CNTN5: variants seen among roughly 807,000 people sequenced by gnomAD.
CNTN5 encodes contactin 5.
A neutral mutation model predicts 129.1 loss-of-function variants in CNTN5; 77 were observed. The observed-to-expected ratio is 0.60, with a 90% CI of 0.50 to 0.72. CNTN5 has a LOEUF of 0.72. Ranked by LOEUF, CNTN5 falls within the 30% of genes least tolerant of loss-of-function variation. CNTN5 has a pLI of 0.00. For synonymous variants in CNTN5, 509 were observed against 465.6 expected, an observed-to-expected ratio of 1.09 and a Z score of -1.20; for missense variants, 1,478 against 1,328.8, an observed-to-expected ratio of 1.11 and a Z score of -1.75.
At position 99,108,834 on chromosome 11, in the gene CNTN5, T is replaced by C. The variant is rs151050215; in HGVS notation, c.-210+87564T>C. On this transcript the variant is annotated intron_variant, in intron 1 of 24. Transcript: ENST00000524871. Reference sequence around the variant, plus strand: ...GATAAGAAAATTCACTAATTAAATATCTGTATTACTCTTTAGGCTTTCTCA... The same window carrying C: ...GATAAGAAAATTCACTAATTAAATACCTGTATTACTCTTTAGGCTTTCTCA... Among the ~76,000 whole-genome samples, 95 of 152,188 alleles carry C rather than the reference T, an allele frequency of 6.2e-4. No individual in the cohort carries two copies. In the East Asian group the frequency reaches 0.016, roughly 26 times the overall value.
intron 3 of CNTN5, among the ~76,000 whole-genome samples, chr11:99,698,325 A>T (rs940403067): frequency 6.7e-6 from 1 of 150,308 alleles, no homozygotes; most frequent in Admixed American, 6.6e-5. Context: ...TGTCTAGAGA[A>T]GAGAAGAAAG....
At chr11:99,770,363 A>T (rs1944903600) in intron 3 of CNTN5, among the ~76,000 whole-genome samples, 1 of 152,054 alleles carries the variant, frequency 6.6e-6, no homozygotes, top group Non-Finnish European at 1.5e-5. Flanking sequence ...ATAAGAGATC[A>T]TTTTCATTAG....
intron 10 of CNTN5, among the ~76,000 whole-genome samples, chr11:100,061,713 C>T (rs1046563603): frequency 6.6e-6 from 1 of 152,136 alleles, no homozygotes; most frequent in African/African-American, 2.4e-5. Flanking sequence ...TATTCTACAA[C>T]TTGGCCAGAA....
At chr11:99,502,383 G>A (rs1224547542) in intron 2 of CNTN5, among the ~76,000 whole-genome samples, 3 of 152,258 alleles carry the variant, frequency 2.0e-5, no homozygotes, top group East Asian at 1.9e-4. Context: ...AGTGTCAAGG[G>A]AGGGACGAGA....
intron 6 of CNTN5, among the ~76,000 whole-genome samples, chr11:99,849,777 T>C (rs1947814838): frequency 6.6e-6 from 1 of 152,176 alleles, no homozygotes; most frequent in East Asian, 1.9e-4. Context: ...CAACATACGA[T>C]TTGTTCATGT....
intron 3 of CNTN5, among the ~76,000 whole-genome samples, chr11:99,564,543 A>AT (rs796066527): frequency 6.6e-4 from 100 of 152,362 alleles, no homozygotes; most frequent in African/African-American, 2.2e-3. Context: ...AACTCTGTAA[A>AT]TTAATTTAGT....
intron 6 of CNTN5, among the ~76,000 whole-genome samples, chr11:99,908,066 C>T (rs1307175416): frequency 6.6e-6 from 1 of 151,892 alleles, no homozygotes; most frequent in African/African-American, 2.4e-5. Context: ...GAGATGTAGT[C>T]CCAGTGTGAA....
At chr11:100,089,490 A>G (rs1388761680) in intron 13 of CNTN5, among the ~76,000 whole-genome samples, 2 of 152,148 alleles carry the variant, frequency 1.3e-5, no homozygotes, top group Non-Finnish European at 2.9e-5. Flanking sequence ...ATTGAGTAAG[A>G]CAGTGTGGCC....
chr11:99,653,982 T>TG (rs1952253158), intron 3 of CNTN5, among the ~76,000 whole-genome samples: 1 of 148,910 alleles, frequency 6.7e-6, no homozygotes, highest in African/African-American at 2.5e-5. Flanking sequence ...TTATTTCTAT[T>TG]AAAAAAAAAA....
Position 99,929,152 on chromosome 11 carries a change from C to T in CNTN5, c.673+13003C>T, listed in dbSNP as rs557218548. The stretch of plus-strand genomic sequence containing the variant: ...TTCCCAACAAGTTCCTCATCTCCAT[C>T]GGAGACCACCTCAGCCTGGACTTCA... On this transcript the variant is annotated intron_variant, in intron 7 of 24. Coordinates refer to ENST00000524871, the MANE Select transcript of CNTN5 (RefSeq NM_014361.4). 1.1e-4 allele frequency among the ~76,000 whole-genome samples: 16 copies of T among 152,292 alleles called. No individual in the cohort carries two copies. In the South Asian group the frequency reaches 1.5e-3, roughly 14 times the overall value.
chr11:100,342,588 C>A (rs1952190694), intron 23 of CNTN5, among the ~76,000 whole-genome samples: 1 of 152,070 alleles, frequency 6.6e-6, no homozygotes, highest in African/African-American at 2.4e-5. Flanking sequence ...CTAGGTGCCA[C>A]TACTCTTTGT....
chr11:99,696,980 A>C (rs1954297139), intron 3 of CNTN5, among the ~76,000 whole-genome samples: 1 of 151,838 alleles, frequency 6.6e-6, no homozygotes. Context: ...AACCAAACAA[A>C]CCCTCTCTTG....
At chr11:99,436,453 G>C (rs1297957868) in intron 2 of CNTN5, among the ~76,000 whole-genome samples, 3 of 152,078 alleles carry the variant, frequency 2.0e-5, no homozygotes, top group Non-Finnish European at 4.4e-5. Flanking sequence ...ATCTTTCACA[G>C]CATACGTTTG....
At chr11:100,108,869 G>A (rs1004415307) in intron 13 of CNTN5, among the ~76,000 whole-genome samples, 3 of 152,050 alleles carry the variant, frequency 2.0e-5, no homozygotes, top group South Asian at 2.1e-4. Context: ...ACATTGCTAT[G>A]TGGAAGATCA....
Position 100,193,509 on chromosome 11 carries a change from C to T in CNTN5, c.1730C>T (p.Thr577Ile), listed in dbSNP as rs1468334177. The change falls in exon 15 of 25, where the codon ACT becomes ATT. Residue 577 changes from threonine (T) to isoleucine (I), a missense_variant. Physicochemically the swap from Thr to Ile is moderately conservative, Grantham distance 89 (BLOSUM62 -1). Coordinates refer to ENST00000524871, the MANE Select transcript of CNTN5 (RefSeq NM_014361.4). ...SVKEPTRIEL[T>I]PKRTELTVGE... ...ATAGAACCTACAAGGATAGAACTTA[C>T]TCCTAAAAGAACAGAATTGACAGTG... The T allele has an allele frequency of 2.5e-6, 4 of 1,598,958 alleles. No homozygotes were observed. The highest frequency in any genetic ancestry group is 1.7e-4 in the Middle Eastern group (1 of 6,006).
At chr11:99,342,045 C>T (rs1866535889) in intron 2 of CNTN5, among the ~76,000 whole-genome samples, 1 of 152,060 alleles carries the variant, frequency 6.6e-6, no homozygotes, top group Non-Finnish European at 1.5e-5. Context: ...AAATAATAAG[C>T]TATCTAACAT....
chr11:99,758,249 TC>T (rs1440978727), intron 3 of CNTN5, among the ~76,000 whole-genome samples: 3 of 152,036 alleles, frequency 2.0e-5, no homozygotes, highest in Admixed American at 6.6e-5. Flanking sequence ...CTTGTAAGTT[TC>T]TTTTTTTATT....
intron 3 of CNTN5, among the ~76,000 whole-genome samples, chr11:99,681,210 C>T (rs1407404409): frequency 6.6e-6 from 1 of 152,002 alleles, no homozygotes; most frequent in East Asian, 1.9e-4. Flanking sequence ...ACTACAAAGT[C>T]TTTATAATAT....
chr11:100,245,386 T>C (rs1949820757), intron 16 of CNTN5, among the ~76,000 whole-genome samples: 1 of 152,102 alleles, frequency 6.6e-6, no homozygotes, highest in Non-Finnish European at 1.5e-5. Flanking sequence ...CAAGTCTCTG[T>C]CACAAGAAGA....
Sources: gnomAD v4.1 joint callset for allele counts (sites outside exome capture counted in the v4.1 genomes callset) on GRCh38, gnomAD v4.1.1 for gene constraint, MANE v1.5 for transcripts, NCBI Gene and HGNC (gene_info 2026-07-23, HGNC 2026-07-21) for gene names.